Variants in ZFPM2 observed in about 807,000 individuals in gnomAD.
ZFPM2 encodes the protein zinc finger protein ZFPM2.
ZFPM2 carries 20 observed loss-of-function variants against 98.6 expected under a neutral mutation model. That is an observed-to-expected ratio of 0.20 (90% CI 0.14 to 0.29). The LOEUF (loss-of-function observed/expected upper bound fraction) is 0.29. Among genes scored for constraint, ZFPM2 ranks in the 10% least tolerant of loss-of-function variants. The pLI is 1.00. For missense variants in ZFPM2, 1,310 were observed against 1,388.6 expected (o/e 0.94, Z 0.90); for synonymous variants, 518 against 502.7 (o/e 1.03, Z -0.41).
intron 3 of ZFPM2, among the ~76,000 whole-genome samples, chr8:105,462,255 C>T (rs937127434): frequency 2.6e-5 from 4 of 152,068 alleles, no homozygotes; most frequent in South Asian, 4.1e-4. Flanking sequence ...CACTGGTTCT[C>T]CAGGCTCCAG....
chr8:105,517,997 C>T (rs73304165), intron 3 of ZFPM2, among the ~76,000 whole-genome samples: 4,435 of 152,244 alleles, frequency 0.029, 217 homozygotes, highest in African/African-American at 0.1. Context: ...CCAATGTTTA[C>T]TCTATTACCA....
intron 3 of ZFPM2, among the ~76,000 whole-genome samples, chr8:105,446,512 G>A (rs903500742): frequency 1.3e-5 from 2 of 152,086 alleles, no homozygotes; most frequent in African/African-American, 4.8e-5. Context: ...AAATAAAGTT[G>A]TATTTGTGGC....
At chr8:105,329,293 G>A (rs575723454) in intron 1 of ZFPM2, among the ~76,000 whole-genome samples, 1 of 151,730 alleles carries the variant, frequency 6.6e-6, no homozygotes, top group East Asian at 1.9e-4. Context: ...AAGTAATGTC[G>A]AGCTCCCACA....
At chr8:105,366,935 C>G (rs1810525292) in intron 1 of ZFPM2, among the ~76,000 whole-genome samples, 1 of 144,862 alleles carries the variant, frequency 6.9e-6, no homozygotes, top group African/African-American at 2.6e-5. Flanking sequence ...TTTCAGCTTT[C>G]TACATATGGC....
intron 5 of ZFPM2, among the ~76,000 whole-genome samples, chr8:105,691,289 C>T (rs1462174848): frequency 1.0e-4 from 11 of 108,556 alleles, no homozygotes; most frequent in African/African-American, 1.7e-4. Flanking sequence ...TCGCCCAGGC[C>T]GGACTGCGGA....
At chr8:105,418,494 A>G in intron 1 of ZFPM2, 1 of 505,864 alleles carries the variant, frequency 2.0e-6, no homozygotes, top group Admixed American at 2.1e-5. Context: ...TTTATTACTG[A>G]AAAAGTATCA....
chr8:105,635,860 A>G (rs555504449), intron 5 of ZFPM2, among the ~76,000 whole-genome samples: 14 of 152,114 alleles, frequency 9.2e-5, no homozygotes, highest in Non-Finnish European at 2.1e-4. Context: ...GATAATTGTT[A>G]TATATTTTGA....
chr8:105,588,520 G>A (rs925220145), intron 4 of ZFPM2, among the ~76,000 whole-genome samples: 1 of 151,906 alleles, frequency 6.6e-6, no homozygotes, highest in Non-Finnish European at 1.5e-5. Context: ...CGTTACATAA[G>A]ATTCTTCCCA....
chr8:105,652,080 T>G (rs111607524), intron 5 of ZFPM2, among the ~76,000 whole-genome samples: 2,224 of 151,820 alleles, frequency 0.015, 28 homozygotes, highest in Non-Finnish European at 0.023. Flanking sequence ...AACCACAGGG[T>G]TTGGTTCGAC....
chr8:105,422,163 C>A (rs891260496), intron 2 of ZFPM2, among the ~76,000 whole-genome samples: 3 of 149,366 alleles, frequency 2.0e-5, no homozygotes, highest in African/African-American at 4.9e-5. Context: ...TTAGGCCGGG[C>A]GCGATGGCTG....
intron 1 of ZFPM2, among the ~76,000 whole-genome samples, chr8:105,369,595 G>A (rs1184321419): frequency 6.6e-6 from 1 of 152,076 alleles, no homozygotes; most frequent in Non-Finnish European, 1.5e-5. Flanking sequence ...AGTTATATTA[G>A]TAGCAGCAAA....
At chr8:105,543,484 A>G (rs1814624692) in intron 3 of ZFPM2, among the ~76,000 whole-genome samples, 1 of 152,162 alleles carries the variant, frequency 6.6e-6, no homozygotes, top group African/African-American at 2.4e-5. Flanking sequence ...ATTTAATCAT[A>G]TGGGCTCTTC....
rs1726287979 is a variant in ZFPM2 at position 105,545,361 on chromosome 8, G to A, written c.302-16002G>A. Among the ~76,000 whole-genome samples, 3 of 151,970 alleles carry A rather than the reference G, an allele frequency of 2.0e-5. No individual in the cohort carries two copies. In the South Asian group the frequency reaches 6.2e-4, roughly 32 times the overall value. ...TCAGAACTTCTGTTTTTTTGTAGTA[G>A]CCATCTCTCATGTAAGTTGGTGACT... On this transcript the variant is annotated intron_variant, in intron 3 of 7. Transcript: ENST00000407775.
chr8:105,762,140 A>G (rs78808013), intron 5 of ZFPM2, among the ~76,000 whole-genome samples: 43 of 152,132 alleles, frequency 2.8e-4, no homozygotes, highest in African/African-American at 9.4e-4. Context: ...CTTCCCATAA[A>G]GCATATGTAT....
intron 4 of ZFPM2, among the ~76,000 whole-genome samples, chr8:105,600,003 A>AG (rs1186574523): frequency 2.0e-5 from 3 of 152,130 alleles, no homozygotes; most frequent in Non-Finnish European, 2.9e-5. Flanking sequence ...AAATCAATGA[A>AG]GGTTATCTTT....
intron 1 of ZFPM2, among the ~76,000 whole-genome samples, chr8:105,375,539 G>A (rs1388162334): frequency 6.6e-6 from 1 of 152,106 alleles, no homozygotes; most frequent in Non-Finnish European, 1.5e-5. Context: ...TATGCTCAGT[G>A]TTCCAACTGC....
At chr8:105,340,749 A>C (rs1362562950) in intron 1 of ZFPM2, among the ~76,000 whole-genome samples, 3 of 151,912 alleles carry the variant, frequency 2.0e-5, no homozygotes, top group Admixed American at 1.3e-4. Flanking sequence ...TAGGAAGGTA[A>C]GATCTCTGCT....
chr8:105,491,007 T>C (rs897006163), intron 3 of ZFPM2, among the ~76,000 whole-genome samples: 1 of 152,202 alleles, frequency 6.6e-6, no homozygotes, highest in African/African-American at 2.4e-5. Flanking sequence ...ACCACTCTTC[T>C]TGATATTATG....
At chr8:105,497,248 G>T (rs1386303482) in intron 3 of ZFPM2, among the ~76,000 whole-genome samples, 1 of 152,062 alleles carries the variant, frequency 6.6e-6, no homozygotes, top group African/African-American at 2.4e-5. Flanking sequence ...GCCTCCCAAA[G>T]TGCTGGGATT....
Sources: gnomAD v4.1 joint callset for allele counts (sites outside exome capture counted in the v4.1 genomes callset) on GRCh38, gnomAD v4.1.1 for gene constraint, MANE v1.5 for transcripts, NCBI Gene and HGNC (gene_info 2026-07-23, HGNC 2026-07-21) for gene names.